Variants in CHIT1 observed in about 807,000 individuals in gnomAD.
The protein encoded by CHIT1 is chitotriosidase-1.
Under a neutral mutation model 52.0 loss-of-function variants are expected in CHIT1, and 47 were observed. The ratio of observed to expected loss-of-function variants is 0.90; its 90% confidence interval spans 0.71 to 1.15. The LOEUF is 1.15. Ranked by LOEUF, CHIT1 falls within the 50% of genes most tolerant of loss-of-function variation. The pLI, the probability that CHIT1 is intolerant of heterozygous loss-of-function variation, is 0.00. For synonymous variants in CHIT1, 242 were observed against 228.2 expected (o/e 1.06, Z -0.54); for missense variants, 569 against 583.0 (o/e 0.98, Z 0.25).
intron 9 of CHIT1, 189 bp from the exon 10 acceptor site, chr1:203,218,054 G>A (rs1425328870): frequency 6.6e-7 from 1 of 1,526,594 alleles, no homozygotes; most frequent in Non-Finnish European, 8.8e-7. Context: ...TTGGACATCA[G>A]TCATTTTGCA....
In CHIT1 at chr1:203,218,082, T is replaced by C. The variant is rs575661846; in HGVS notation, c.1030-217A>G. 154 of 1,507,402 alleles carry C rather than the reference T, an allele frequency of 1.0e-4. No individual in the cohort carries two copies. The East Asian group carries it at 4.0e-3, about 39-fold the overall frequency. The allele number at this position is 1,507,402 out of a possible 1,614,324, so 93.4% of individuals were successfully genotyped here. A position where few individuals can be genotyped will look rare whatever the true frequency, so the allele number is the denominator to read the frequency against. On this transcript the variant is annotated intron_variant, in intron 9 of 10. Coordinates refer to ENST00000367229, the MANE Select transcript of CHIT1 (RefSeq NM_003465.3). ...ATTTTGCAGTCTCCTTGTCTTAACG[T>C]AAGCATGACCTGGGGTGGGGTGGGT...
chr1:203,223,777 G>T, intron 4 of CHIT1, 117 bp from the exon 5 acceptor site: 1 of 1,097,494 alleles, frequency 9.1e-7, no homozygotes, highest in South Asian at 1.3e-5. Context: ...GGGCTAGGAG[G>T]GGCACTGGGA....
Position 203,216,715 on chromosome 1 carries a change from C to T in CHIT1, c.*174G>A, listed in dbSNP as rs571808829. ...TTATTTTGCAAGTGAAAGGGGCAGC[C>T]CAGGAGACCCAGAAAAAAGGAAGGC... On this transcript the variant is annotated 3_prime_UTR_variant, in exon 11 of 11. Coordinates refer to ENST00000367229, the MANE Select transcript of CHIT1 (RefSeq NM_003465.3). 1.2e-6 allele frequency: 1 copy of T among 822,684 alleles called. No individual in the cohort carries two copies. The highest frequency in any genetic ancestry group is 1.4e-5 in the South Asian group (1 of 70,552). The allele number at this position is 822,684 out of a possible 1,614,324, so 51.0% of individuals were successfully genotyped here. A position where few individuals can be genotyped will look rare whatever the true frequency, so the allele number is the denominator to read the frequency against.
At chr1:203,225,601 G>A in intron 3 of CHIT1, 68 bp downstream of exon 3, 2 of 1,515,026 alleles carry the variant, frequency 1.3e-6, no homozygotes, top group African/African-American at 1.4e-5. Flanking sequence ...AGAGGTGTCT[G>A]GCTCTGGGAG....
Position 203,222,185 on chromosome 1 carries a change from C to T in CHIT1, c.729+17G>A. On this transcript the variant is annotated intron_variant, in intron 7 of 10. Transcript: ENST00000367229. Reference sequence around the variant, plus strand: ...CTGGACAGGGGAGTCCTGCCTCAGCCCTCCTGCCACACGTACCACGTTGAG... The same window carrying T: ...CTGGACAGGGGAGTCCTGCCTCAGCTCTCCTGCCACACGTACCACGTTGAG... 1 of 1,613,592 alleles carries T rather than the reference C, an allele frequency of 6.2e-7. No individual in the cohort carries two copies. Among genetic ancestry groups the T allele is most frequent in the Non-Finnish European group, 8.5e-7 (1 of 1,179,984 alleles).
intron 10 of CHIT1, 126 bp from the exon 11 acceptor site, chr1:203,217,259 AG>A (rs780787875): frequency 6.3e-7 from 1 of 1,577,218 alleles, no homozygotes; most frequent in African/African-American, 1.3e-5. Flanking sequence ...GGCTGAGTAC[AG>A]CCAGATACCC....
intron 1 of CHIT1, 32 bp from the exon 2 acceptor site, chr1:203,228,594 A>G (rs1435889904): frequency 6.4e-7 from 1 of 1,570,232 alleles, no homozygotes; most frequent in African/African-American, 1.4e-5. Flanking sequence ...GGCCAGGGTT[A>G]TGCTGCCATT....
chr1:203,222,238 C>A lies in CHIT1; in HGVS notation c.693G>T (p.Arg231Ser). The A allele has an allele frequency of 6.2e-7, 1 of 1,614,190 alleles. No individual in the cohort carries two copies. Among genetic ancestry groups the A allele is most frequent in the Non-Finnish European group, 8.5e-7 (1 of 1,180,048 alleles). The change falls in exon 7 of 11, where the codon AGG becomes AGT. Residue 231 changes from arginine to serine, a missense_variant. Transcript: ENST00000367229. ...TGGCTGCTGCACCACTCTCTTCTTG[C>A]CTCTTGTAGAGGGGGCTGTTATGTC... ...VTGHNSPLYK[R>S]QEESGAAASL...
rs1366498738 is a variant in CHIT1 at position 203,224,958 on chromosome 1, G to C, written c.314+90C>G. The C allele has an allele frequency of 1.9e-5, 23 of 1,201,694 alleles. No individual in the cohort carries two copies. In the South Asian group the frequency reaches 2.2e-4, roughly 12 times the overall value. 74.4% of individuals were successfully genotyped at this position (1,201,694 alleles called of 1,614,324 possible). ...CTTTCCCCTGACCACACCTCAGCCTGGCCTGATTCCCTGACCAGGGCTCCC... is the reference window on the plus strand; with the variant it reads ...CTTTCCCCTGACCACACCTCAGCCTCGCCTGATTCCCTGACCAGGGCTCCC... On this transcript the variant is annotated intron_variant, in intron 4 of 10. Coordinates refer to ENST00000367229, the MANE Select transcript of CHIT1 (RefSeq NM_003465.3).
intron 4 of CHIT1, 47 bp downstream of exon 4, chr1:203,225,001 G>A: frequency 6.4e-7 from 1 of 1,563,634 alleles, no homozygotes; most frequent in Non-Finnish European, 8.8e-7. Context: ...AGTGCACCAG[G>A]TTCCCATCCA....
chr1:203,224,403 TCTGTATATAAG>T (rs1656851159), intron 4 of CHIT1, among the ~76,000 whole-genome samples: 1 of 152,194 alleles, frequency 6.6e-6, no homozygotes, highest in Admixed American at 6.5e-5. Context: ...CAATAAACAG[TCTGTATATAAG>T]CATTATTTTG....
Position 203,222,187 on chromosome 1 carries a change from T to G in CHIT1, c.729+15A>C. On this transcript the variant is annotated intron_variant, in intron 7 of 10. Transcript: ENST00000367229. ...GGACAGGGGAGTCCTGCCTCAGCCC[T>G]CCTGCCACACGTACCACGTTGAGGC... 1.2e-6 allele frequency: 2 copies of G among 1,613,460 alleles called. No homozygotes were observed. The highest frequency in any genetic ancestry group is 1.7e-6 in the Non-Finnish European group (2 of 1,179,950).
rs767020373 is a variant in CHIT1, at chr1:203,216,675, G to A, written c.*214C>T. The A allele has an allele frequency of 7.0e-5, 47 of 673,450 alleles. No individual in the cohort carries two copies. The highest frequency in any genetic ancestry group is 1.2e-4 in the Non-Finnish European group (44 of 373,872). 41.7% of individuals were successfully genotyped at this position (673,450 alleles called of 1,614,324 possible). A position where few individuals can be genotyped will look rare whatever the true frequency, so the allele number is the denominator to read the frequency against. On this transcript the variant is annotated 3_prime_UTR_variant, in exon 11 of 11. Coordinates refer to ENST00000367229, the MANE Select transcript of CHIT1 (RefSeq NM_003465.3). ...AGTCACCACATCTTTGGGAAGAGGG[G>A]CACAAACCAAAGATTTATTTTGCAA...
Position 203,219,315 on chromosome 1 carries a change from C to T in CHIT1, c.930G>A (p.Lys310=), listed in dbSNP as rs766063873. The T allele has an allele frequency of 1.2e-6, 2 of 1,606,400 alleles. No homozygotes were observed. Among genetic ancestry groups the T allele is most frequent in the South Asian group, 2.2e-5 (2 of 90,956 alleles). Residue 310 remains lysine (K), a synonymous_variant, in exon 9 of 11, where the codon AAG becomes AAA. Coordinates refer to ENST00000367229, the MANE Select transcript of CHIT1 (RefSeq NM_003465.3). ...CCTGGATTCTCTGTTTGGTGGCCCC[C>T]TTCCAGGAGCAGACCTGTGGGAGCA... The part of the protein sequence containing the change: ...MLAYYEVCSW[K]GATKQRIQDQ...
chr1:203,219,368 G>A (rs1430397160), intron 8 of CHIT1, 39 bp from the exon 9 acceptor site: 2 of 1,155,398 alleles, frequency 1.7e-6, no homozygotes, highest in East Asian at 2.3e-5. Flanking sequence ...GGAGGAGGGA[G>A]GCTCTTGCAG....
rs772141496 is a variant in CHIT1 at position 203,216,366 on chromosome 1, A to G, written c.*523T>C. The G allele has an allele frequency of 4.4e-6, 2 of 454,118 alleles. No homozygotes were observed. Among genetic ancestry groups the G allele is most frequent in the South Asian group, 1.6e-5 (1 of 64,472 alleles). The allele number at this position is 454,118 out of a possible 1,614,324, so 28.1% of individuals were successfully genotyped here. A position where few individuals can be genotyped will look rare whatever the true frequency, so the allele number is the denominator to read the frequency against. On this transcript the variant is annotated 3_prime_UTR_variant, in exon 11 of 11. Coordinates refer to ENST00000367229, the MANE Select transcript of CHIT1 (RefSeq NM_003465.3). Reference sequence around the variant, plus strand: ...TCGCAGAGCGCTTAAATCAGGGAAAAGTTCTTCTCTGCTGCCATCTAGTGG... The same window carrying G: ...TCGCAGAGCGCTTAAATCAGGGAAAGGTTCTTCTCTGCTGCCATCTAGTGG...
intron 6 of CHIT1, among the ~76,000 whole-genome samples, 155 bp from the exon 7 acceptor site, chr1:203,222,480 C>T (rs1656775468): frequency 6.6e-6 from 1 of 152,156 alleles, no homozygotes; most frequent in South Asian, 2.1e-4. Flanking sequence ...AGAAGGTGAC[C>T]CAGACAGCAG....
Position 203,225,764 on chromosome 1 carries a change from G to T in CHIT1, c.162C>A (p.Leu54=). 1 of 1,614,126 alleles carries T rather than the reference G, an allele frequency of 6.2e-7. No individual in the cohort carries two copies. The highest frequency in any genetic ancestry group is 1.6e-4 in the Middle Eastern group (1 of 6,062). ...TGGTCATGCCAGCGAAGGCGTAGATGAGGTGGGTGCAAAGGCTGGGGTCCA... is the reference window on the plus strand; with the variant it reads ...TGGTCATGCCAGCGAAGGCGTAGATTAGGTGGGTGCAAAGGCTGGGGTCCA... ...KDLDPSLCTH[L]IYAFAGMTNH... The change falls in exon 3 of 11, where the codon CTC becomes CTA. Residue 54 remains leucine (L), a synonymous_variant. Transcript: ENST00000367229.
At chr1:203,223,454 T>A in intron 5 of CHIT1, 41 bp downstream of exon 5, 1 of 1,611,888 alleles carries the variant, frequency 6.2e-7, no homozygotes, top group Non-Finnish European at 8.5e-7. Context: ...CAGCTCTGGG[T>A]CCCTGCACAG....
Sources: allele counts gnomAD v4.1 joint callset (sites outside exome capture counted in the v4.1 genomes callset), GRCh38; gene constraint gnomAD v4.1.1; transcripts MANE v1.5; gene names NCBI Gene and HGNC (gene_info 2026-07-23, HGNC 2026-07-21).